The following PACRG variants were observed in gnomAD, a reference collection of about 807,000 sequenced individuals.
The protein encoded by PACRG is parkin coregulated.
PACRG carries 29 observed loss-of-function variants against 29.7 expected under a neutral mutation model. That is an observed-to-expected ratio of 0.98 (90% CI 0.73 to 1.33). PACRG has a LOEUF of 1.33. Ranked by LOEUF, PACRG falls within the 40% of genes most tolerant of loss-of-function variation. The pLI is 0.00. For synonymous variants in PACRG, 116 were observed against 118.7 expected (o/e 0.98, Z 0.15); for missense variants, 279 against 316.2 (o/e 0.88, Z 0.89).
chr6:163,119,453 G>C (rs1335591110), intron 4 of PACRG, among the ~76,000 whole-genome samples: 1 of 152,242 alleles, frequency 6.6e-6, no homozygotes, highest in Non-Finnish European at 1.5e-5. Flanking sequence ...CGATGATCAA[G>C]TGATTGGTGC....
intron 2 of PACRG, among the ~76,000 whole-genome samples, chr6:162,887,594 A>G (rs1794441518): frequency 6.6e-6 from 1 of 152,182 alleles, no homozygotes; most frequent in Non-Finnish European, 1.5e-5. Context: ...GAGTGAAAAA[A>G]CTAACATATC....
chr6:162,966,684 G>A (rs140062181), intron 2 of PACRG, among the ~76,000 whole-genome samples: 1,838 of 152,054 alleles, frequency 0.012, 39 homozygotes, highest in African/African-American at 0.042. Context: ...CACCGTGTTA[G>A]CCAGGATGGT....
chr6:162,857,894 T>C (rs1584562818), intron 2 of PACRG, among the ~76,000 whole-genome samples: 1 of 152,170 alleles, frequency 6.6e-6, no homozygotes, highest in African/African-American at 2.4e-5. Context: ...CTGCCAATCA[T>C]GTTGCAACCT....
intron 2 of PACRG, among the ~76,000 whole-genome samples, chr6:162,921,278 G>A (rs1242950723): frequency 1.3e-5 from 2 of 152,188 alleles, no homozygotes; most frequent in Non-Finnish European, 2.9e-5. Context: ...GAAGACCGGG[G>A]GGAGCAGTGA....
intron 2 of PACRG, among the ~76,000 whole-genome samples, chr6:162,990,331 T>G (rs948065491): frequency 5.3e-5 from 8 of 151,862 alleles, no homozygotes; most frequent in Non-Finnish European, 1.0e-4. Context: ...CCACAATGGT[T>G]GAACTAGTTT....
intron 1 of PACRG, among the ~76,000 whole-genome samples, chr6:162,782,524 AT>A (rs1192685900): frequency 6.6e-6 from 1 of 151,832 alleles, no homozygotes; most frequent in African/African-American, 2.4e-5. Context: ...ATTTTAGATG[AT>A]TTTTTCTTTT....
At chr6:163,092,622 A>G (rs1305931494) in intron 4 of PACRG, among the ~76,000 whole-genome samples, 1 of 152,222 alleles carries the variant, frequency 6.6e-6, no homozygotes, top group Non-Finnish European at 1.5e-5. Context: ...GACCTCAGGC[A>G]AATCCCTTAA....
intron 3 of PACRG, among the ~76,000 whole-genome samples, chr6:163,080,000 C>T (rs959731493): frequency 5.5e-5 from 8 of 145,896 alleles, no homozygotes; most frequent in Non-Finnish European, 1.2e-4. Flanking sequence ...CGGGTGCATT[C>T]CATTCTCCTG....
chr6:162,940,497 T>A (rs573482565), intron 2 of PACRG, among the ~76,000 whole-genome samples: 1 of 152,330 alleles, frequency 6.6e-6, no homozygotes, highest in South Asian at 2.1e-4. Context: ...TATCTCTGTG[T>A]GTCTCTTTTA....
At chr6:163,019,527 C>G (rs113063782) in intron 2 of PACRG, among the ~76,000 whole-genome samples, 1 of 152,128 alleles carries the variant, frequency 6.6e-6, no homozygotes, top group Non-Finnish European at 1.5e-5. Context: ...TTTCAGACCT[C>G]GTCACCACCC....
At chr6:162,972,332 G>A (rs1801602749) in intron 2 of PACRG, among the ~76,000 whole-genome samples, 1 of 152,170 alleles carries the variant, frequency 6.6e-6, no homozygotes, top group East Asian at 1.9e-4. Context: ...ACTCGCACAT[G>A]TAGCAGTCTC....
intron 4 of PACRG, among the ~76,000 whole-genome samples, chr6:163,287,734 T>C (rs1381441349): frequency 6.6e-6 from 1 of 152,190 alleles, no homozygotes; most frequent in Non-Finnish European, 1.5e-5. Flanking sequence ...TATTTTCCAC[T>C]CATTTAACAG....
At chr6:162,881,565 C>T (rs1793841533) in intron 2 of PACRG, among the ~76,000 whole-genome samples, 1 of 152,206 alleles carries the variant, frequency 6.6e-6, no homozygotes, top group Non-Finnish European at 1.5e-5. Flanking sequence ...AGGGAGCACT[C>T]TTCACCAAAC....
intron 2 of PACRG, among the ~76,000 whole-genome samples, chr6:162,951,085 G>T (rs534863696): frequency 1.3e-5 from 2 of 152,162 alleles, no homozygotes; most frequent in Non-Finnish European, 2.9e-5. Context: ...CCTGTAAGTT[G>T]GGTATTATTT....
chr6:162,827,796 T>C (rs1788412846), intron 2 of PACRG, among the ~76,000 whole-genome samples: 1 of 152,048 alleles, frequency 6.6e-6, no homozygotes, highest in Non-Finnish European at 1.5e-5. Flanking sequence ...CCACCTCCTC[T>C]GCTCAGCCTC....
chr6:163,263,757 ATTGTTTCATG>A (rs1485994922), intron 4 of PACRG, among the ~76,000 whole-genome samples: 1 of 152,186 alleles, frequency 6.6e-6, no homozygotes, highest in East Asian at 1.9e-4. Flanking sequence ...TAATATGATT[ATTGTTTCATG>A]TGGTATTACA....
chr6:162,824,460 A>G (rs1301969731), intron 2 of PACRG, among the ~76,000 whole-genome samples: 1 of 152,134 alleles, frequency 6.6e-6, no homozygotes, highest in African/African-American at 2.4e-5. Flanking sequence ...TTTTCTGTAG[A>G]AATTCCTTTT....
chr6:162,800,348 T>C (rs1785751495), intron 1 of PACRG, among the ~76,000 whole-genome samples: 1 of 152,222 alleles, frequency 6.6e-6, no homozygotes, highest in Non-Finnish European at 1.5e-5. Context: ...CTGCCTATTA[T>C]TTTAAACAAA....
At chr6:163,045,709 G>A (rs12214263) in intron 2 of PACRG, among the ~76,000 whole-genome samples, 42,397 of 143,044 alleles carry the variant, frequency 0.3, 7,245 homozygotes, top group Non-Finnish European at 0.37. Context: ...TGCAACCTCC[G>A]CCTCCCAGGT....
Sources: allele counts gnomAD v4.1 joint callset (sites outside exome capture counted in the v4.1 genomes callset), GRCh38; gene constraint gnomAD v4.1.1; transcripts MANE v1.5; gene names NCBI Gene and HGNC (gene_info 2026-07-23, HGNC 2026-07-21).